Variants in HEATR4 observed in about 807,000 individuals in gnomAD.
The protein encoded by HEATR4 is HEAT repeat-containing protein 4.
A neutral mutation model predicts 108.8 loss-of-function variants in HEATR4; 95 were observed. That is an observed-to-expected ratio of 0.87 (90% CI 0.74 to 1.04). HEATR4 has a LOEUF of 1.04. HEATR4 is among the 50% of genes least tolerant of loss of function. HEATR4 has a pLI of 0.00. For synonymous variants in HEATR4, 443 were observed against 459.4 expected (o/e 0.96, Z 0.46); for missense variants, 1,152 against 1,253.8 (o/e 0.92, Z 1.23).
At chr14:73,519,579 T>C (rs1887847895) in intron 4 of HEATR4, among the ~76,000 whole-genome samples, 1 of 151,658 alleles carries the variant, frequency 6.6e-6, no homozygotes, top group Admixed American at 6.6e-5. Context: ...CCCCCGTCTC[T>C]ACAAAAAATA....
At chr14:73,617,077 G>A in the HEATR4 span, 1 of 1,486,804 alleles carries the variant, frequency 6.7e-7, no homozygotes, top group Non-Finnish European at 9.4e-7. Flanking sequence ...GCCGGACATG[G>A]TTTTGCTGTG....
At chr14:73,494,356 T>A (rs1885972666) in intron 16 of HEATR4, among the ~76,000 whole-genome samples, 1 of 152,206 alleles carries the variant, frequency 6.6e-6, no homozygotes, top group Admixed American at 6.5e-5. Context: ...ACAGTTTGAT[T>A]TCTGCACCCT....
chr14:73,614,666 GAACC>G, the HEATR4 span, among the ~76,000 whole-genome samples: 1 of 150,842 alleles, frequency 6.6e-6, no homozygotes, highest in Non-Finnish European at 1.5e-5. Context: ...AGAATCGCTT[GAACC>G]CGGGAGGCTG....
chr14:73,570,398 T>G, the HEATR4 span, among the ~76,000 whole-genome samples: 1 of 151,528 alleles, frequency 6.6e-6, no homozygotes, highest in East Asian at 1.9e-4. Context: ...TGAAACCCCG[T>G]CTCTACTAAA....
chr14:73,537,680 G>T (rs1168570650), intron 1 of HEATR4: 1 of 1,246,622 alleles, frequency 8.0e-7, no homozygotes. Flanking sequence ...CTTGGAGCCC[G>T]AGAAACCCTT....
the HEATR4 span, chr14:73,631,587 C>T: frequency 1.1e-3 from 178 of 163,316 alleles, no homozygotes; most frequent in African/African-American, 3.9e-3. Context: ...GGCATGCTCC[C>T]GGGGCCCTAA....
At chr14:73,495,944 A>G (rs1463844791) in intron 15 of HEATR4, among the ~76,000 whole-genome samples, 1 of 152,168 alleles carries the variant, frequency 6.6e-6, no homozygotes, top group Non-Finnish European at 1.5e-5. Context: ...CCTGGCCAAC[A>G]TAGCAAAACC....
chr14:73,560,494 C>A (rs1889509306), upstream of HEATR4, among the ~76,000 whole-genome samples: 1 of 151,804 alleles, frequency 6.6e-6, no homozygotes, highest in African/African-American at 2.4e-5. Flanking sequence ...AACCCCATCT[C>A]TACTAAAAAT....
chr14:73,619,413 A>C, the HEATR4 span: 1 of 1,614,208 alleles, frequency 6.2e-7, no homozygotes, highest in East Asian at 2.2e-5. Context: ...ATGATCTAGG[A>C]AAAGTAAAAA....
chr14:73,592,401 C>G, the HEATR4 span: 1 of 1,532,952 alleles, frequency 6.5e-7, no homozygotes, highest in Non-Finnish European at 8.7e-7. Flanking sequence ...GCGCGCCACG[C>G]TCTTCCTGCC....
At chr14:73,580,137 G>A in the HEATR4 span, among the ~76,000 whole-genome samples, 5 of 151,980 alleles carry the variant, frequency 3.3e-5, no homozygotes, top group Admixed American at 2.6e-4. Context: ...TGGGGCAGGG[G>A]GTTGTTTTTG....
At chr14:73,574,438 G>C in the HEATR4 span, 21 of 246,712 alleles carry the variant, frequency 8.5e-5, no homozygotes, top group Non-Finnish European at 1.3e-4. Context: ...GCTAATTCTT[G>C]TATTTTTAGT....
chr14:73,582,929 CTGTG>C, the HEATR4 span: 1 of 152,092 alleles, frequency 6.6e-6, no homozygotes, highest in South Asian at 2.1e-4. Flanking sequence ...ACTTCTTTCG[CTGTG>C]TGTCTCATTT....
chr14:73,588,959 G>C, the HEATR4 span, among the ~76,000 whole-genome samples: 1 of 151,910 alleles, frequency 6.6e-6, no homozygotes, highest in Non-Finnish European at 1.5e-5. Context: ...GCAAAATTGA[G>C]CAGAAGGTAG....
chr14:73,495,678 A>AT (rs567071533), intron 15 of HEATR4, among the ~76,000 whole-genome samples: 147 of 152,200 alleles, frequency 9.7e-4, no homozygotes, highest in African/African-American at 3.4e-3. Context: ...TTGGTTGGAG[A>AT]TTTTTTATAC....
Position 73,537,592 on chromosome 14 carries a change from T to C in HEATR4, c.-151-7348A>G. On this transcript the variant is annotated intron_variant, in intron 1 of 17. Coordinates refer to ENST00000553558, the MANE Select transcript of HEATR4 (RefSeq NM_001220484.1). Reference sequence around the variant, plus strand: ...ACGCGCGCTACCGCGCCGACACCCTTGGCGAGCTGGACCTGGAGCGCGCGC... The same window carrying C: ...ACGCGCGCTACCGCGCCGACACCCTCGGCGAGCTGGACCTGGAGCGCGCGC... The C allele has an allele frequency of 1.1e-5, 13 of 1,223,540 alleles. 4 individuals carry two copies. Among genetic ancestry groups the C allele is most frequent in the Non-Finnish European group, 1.4e-5 (13 of 930,328 alleles). The allele number at this position is 1,223,540 out of a possible 1,614,324, so 75.8% of individuals were successfully genotyped here. A position where few individuals can be genotyped will look rare whatever the true frequency, so the allele number is the denominator to read the frequency against.
chr14:73,584,994 C>A, the HEATR4 span, among the ~76,000 whole-genome samples: 17 of 151,896 alleles, frequency 1.1e-4, no homozygotes, highest in Admixed American at 2.6e-4. Flanking sequence ...TTGTCAACCC[C>A]CTCACCCAGA....
At chr14:73,487,827 A>G (rs1885510606) in intron 17 of HEATR4, among the ~76,000 whole-genome samples, 1 of 152,208 alleles carries the variant, frequency 6.6e-6, no homozygotes, top group Non-Finnish European at 1.5e-5. Flanking sequence ...AATGGGCTTT[A>G]ATTAGGGTTT....
the HEATR4 span, among the ~76,000 whole-genome samples, chr14:73,576,045 T>G: frequency 1.3e-5 from 2 of 151,874 alleles, no homozygotes; most frequent in African/African-American, 4.8e-5. Flanking sequence ...CACAGCTACT[T>G]GGGAGGCTGA....
Sources: gnomAD v4.1 joint callset for allele counts (sites outside exome capture counted in the v4.1 genomes callset) on GRCh38, gnomAD v4.1.1 for gene constraint, MANE v1.5 for transcripts, NCBI Gene and HGNC (gene_info 2026-07-23, HGNC 2026-07-21) for gene names.